IARS1: variants seen among roughly 807,000 people sequenced by gnomAD.
The protein encoded by IARS1 is isoleucyl-tRNA synthetase 1.
IARS1 carries 124 observed loss-of-function variants against 168.2 expected under a neutral mutation model. That is an observed-to-expected ratio of 0.74 (90% CI 0.64 to 0.86). IARS1 has a LOEUF of 0.86. Among genes scored for constraint, IARS1 ranks in the 40% least tolerant of loss-of-function variants. The pLI, the probability that IARS1 is intolerant of heterozygous loss-of-function variation, is 0.00. For synonymous variants in IARS1, 532 were observed against 529.4 expected, an observed-to-expected ratio of 1.00 and a Z score of -0.07; for missense variants, 1,452 against 1,515.8, an observed-to-expected ratio of 0.96 and a Z score of 0.70.
intron 19 of IARS1, among the ~76,000 whole-genome samples, chr9:92,257,758 C>G (rs1386117657): frequency 6.6e-6 from 1 of 152,192 alleles, no homozygotes; most frequent in Non-Finnish European, 1.5e-5. Flanking sequence ...TTCATCTGCT[C>G]AAGCAGGAAT....
At chr9:92,250,865 T>C in intron 22 of IARS1, 31 bp from the exon 23 acceptor site, 3 of 1,573,358 alleles carry the variant, frequency 1.9e-6, no homozygotes, top group Non-Finnish European at 2.6e-6. Flanking sequence ...TCATGTCAGT[T>C]ATATGCAGTC....
chr9:92,253,375 C>T lies in IARS1; in HGVS notation c.2216G>A (p.Arg739His), dbSNP rs1483289595. The T allele has an allele frequency of 1.6e-5, 25 of 1,610,378 alleles. No individual in the cohort carries two copies. The highest frequency in any genetic ancestry group is 3.3e-5 in the South Asian group (3 of 90,988). The change falls in exon 21 of 34, where the codon CGC becomes CAC. Residue 739 changes from arginine (R) to histidine (H), a missense_variant. Physicochemically the swap from Arg to His is conservative, Grantham distance 29 (BLOSUM62 0). Coordinates refer to ENST00000443024, the MANE Select transcript of IARS1 (RefSeq NM_002161.6). ...GTCTGCACTTACCTTTAATCTTCTGCGGTTCATTCTAACATACCAATTGGT... is the reference window on the plus strand; with the variant it reads ...GTCTGCACTTACCTTTAATCTTCTGTGGTTCATTCTAACATACCAATTGGT... ...ILTNWYVRMNRRRLKGENGME... is the reference protein window; with the variant it reads ...ILTNWYVRMNHRRLKGENGME...
intron 1 of IARS1, among the ~76,000 whole-genome samples, chr9:92,291,903 CAA>C (rs1453425373): frequency 1.3e-4 from 20 of 152,104 alleles, no homozygotes; most frequent in Non-Finnish European, 1.5e-5. Flanking sequence ...GCATTCACAT[CAA>C]AGTCTGAACA....
Position 92,245,027 on chromosome 9 carries a change from G to A in IARS1, c.2836C>T (p.Arg946Cys), listed in dbSNP as rs751538626. The A allele has an allele frequency of 2.4e-5, 38 of 1,614,022 alleles. No homozygotes were observed. The highest frequency in any genetic ancestry group is 2.3e-4 in the Admixed American group (14 of 59,998). ...GCCTGATCAAAGGTGTACATGAGGCGGATGTCTTCATCGTGCAATTCATGG... is the reference window on the plus strand; with the variant it reads ...GCCTGATCAAAGGTGTACATGAGGCAGATGTCTTCATCGTGCAATTCATGG... Reference protein sequence around the residue: ...EGHELHDEDIRLMYTFDQATG... With the variant: ...EGHELHDEDICLMYTFDQATG... The change falls in exon 27 of 34, where the codon CGC (arginine) becomes TGC (cysteine). Residue 946 changes from arginine to cysteine, a missense_variant. Physicochemically the swap from Arg to Cys is radical, Grantham distance 180 (BLOSUM62 -3). Transcript: ENST00000443024.
intron 31 of IARS1, among the ~76,000 whole-genome samples, chr9:92,224,835 A>AAAAT (rs997140533): frequency 2.0e-5 from 3 of 148,132 alleles, no homozygotes; most frequent in African/African-American, 7.3e-5. Flanking sequence ...CCTGTCTCAA[A>AAAAT]AAATAAAAAA....
chr9:92,242,371 C>G, intron 28 of IARS1, 41 bp from the exon 29 acceptor site: 1 of 1,517,274 alleles, frequency 6.6e-7, no homozygotes, highest in Admixed American at 1.8e-5. Context: ...GAAGTACATT[C>G]TATTAATCAG....
At chr9:92,236,312 T>C (rs1270140385) in intron 30 of IARS1, among the ~76,000 whole-genome samples, 1 of 152,220 alleles carries the variant, frequency 6.6e-6, no homozygotes, top group Non-Finnish European at 1.5e-5. Context: ...TGTCTTTATC[T>C]GGTTTTGGTA....
intron 17 of IARS1, among the ~76,000 whole-genome samples, chr9:92,260,467 C>T (rs1831363655): frequency 6.6e-6 from 1 of 151,882 alleles, no homozygotes; most frequent in African/African-American, 2.4e-5. Context: ...ACCAGCCTGG[C>T]CAAAATGGTG....
Position 92,263,071 on chromosome 9 carries a change from A to C in IARS1, c.1701-16T>G. ...GGTATAAAACCTGAAAAAAAACCCC[A>C]AACAGTTCAATAAAAATAGAAATGA... On this transcript the variant is annotated splice_polypyrimidine_tract_variant and intron_variant, in intron 16 of 33. Transcript: ENST00000443024. The C allele has an allele frequency of 6.4e-7, 1 of 1,563,926 alleles. No homozygotes were observed. Among genetic ancestry groups the C allele is most frequent in the Non-Finnish European group, 8.8e-7 (1 of 1,135,426 alleles).
At chr9:92,270,008 A>G in intron 12 of IARS1, 25 bp from the exon 13 acceptor site, 3 of 1,480,180 alleles carry the variant, frequency 2.0e-6, no homozygotes, top group Non-Finnish European at 2.8e-6. Context: ...ACACACACAT[A>G]GCTGCTCAGG....
In IARS1 at chr9:92,265,070, A is replaced by T. The variant is rs371764572; in HGVS notation, c.1559T>A (p.Ile520Asn). Residue 520 changes from isoleucine (I) to asparagine (N), a missense_variant, in exon 16 of 34, where the codon ATC (isoleucine) becomes AAC (asparagine). Transcript: ENST00000443024. ...AAACCAACAGTCAAACACTTCAGAGATGCGGTGCAAGGATCCCTTCCCACA... is the reference window on the plus strand; with the variant it reads ...AAACCAACAGTCAAACACTTCAGAGTTGCGGTGCAAGGATCCCTTCCCACA... The part of the protein sequence containing the change: ...SRCGKGSLHR[I>N]SEVFDCWFES... 5 of 1,614,070 alleles carry T rather than the reference A, an allele frequency of 3.1e-6. No homozygotes were observed. The highest frequency in any genetic ancestry group is 4.2e-6 in the Non-Finnish European group (5 of 1,180,034).
chr9:92,253,609 CTGTT>C lies in IARS1; in HGVS notation c.2138-160_2138-157del, dbSNP rs376750467. Among the ~76,000 whole-genome samples the C allele has an allele frequency of 3.5e-4, 54 of 152,312 alleles. No individual in the cohort carries two copies. In the East Asian group the frequency reaches 9.3e-3, roughly 26 times the overall value. ...CCAAAATGAATCAATCACATAATGA[CTGTT>C]TGTTGAGGATGTGCTACATGGCAGT... On this transcript the variant is annotated intron_variant, in intron 20 of 33. Coordinates refer to ENST00000443024, the MANE Select transcript of IARS1 (RefSeq NM_002161.6).
At chr9:92,223,964 A>G (rs1333656150) in intron 31 of IARS1, among the ~76,000 whole-genome samples, 1 of 152,238 alleles carries the variant, frequency 6.6e-6, no homozygotes, top group African/African-American at 2.4e-5. Context: ...GCGCAGGCAG[A>G]TGACTGGTAA....
intron 19 of IARS1, 79 bp from the exon 20 acceptor site, chr9:92,256,879 TAAACAA>T (rs1587816024): frequency 2.0e-5 from 28 of 1,365,938 alleles, no homozygotes; most frequent in East Asian, 4.7e-5. Flanking sequence ...TTAAATCACT[TAAACAA>T]AAACAAAAAG....
intron 9 of IARS1, among the ~76,000 whole-genome samples, chr9:92,277,404 C>T (rs1304348425): frequency 6.6e-6 from 1 of 152,002 alleles, no homozygotes; most frequent in Non-Finnish European, 1.5e-5. Flanking sequence ...TATTTGCACT[C>T]CATCTCAAAA....
intron 33 of IARS1, among the ~76,000 whole-genome samples, chr9:92,217,625 A>G (rs1026581738): frequency 6.6e-6 from 1 of 151,690 alleles, no homozygotes. Flanking sequence ...ACAAACTACC[A>G]TCAGAGAATA....
intron 29 of IARS1, 122 bp from the exon 30 acceptor site, chr9:92,241,083 A>AATCTC (rs1197317752): frequency 3.5e-6 from 2 of 578,472 alleles, no homozygotes; most frequent in African/African-American, 3.7e-5. Context: ...TAACATATTC[A>AATCTC]ATCTCATTAC....
chr9:92,227,334 C>T (rs1464512230), intron 31 of IARS1, among the ~76,000 whole-genome samples: 5 of 151,682 alleles, frequency 3.3e-5, no homozygotes, highest in African/African-American at 7.3e-5. Flanking sequence ...ACCTCCCAGA[C>T]GGGGTGGTGG....
intron 7 of IARS1, among the ~76,000 whole-genome samples, chr9:92,279,236 C>T (rs999616642): frequency 1.3e-5 from 2 of 152,178 alleles, no homozygotes; most frequent in African/African-American, 4.8e-5. Flanking sequence ...GCTCTGACCT[C>T]ACAGGAACTT....
Sources: allele counts gnomAD v4.1 joint callset (sites outside exome capture counted in the v4.1 genomes callset), GRCh38; gene constraint gnomAD v4.1.1; transcripts MANE v1.5; gene names NCBI Gene and HGNC (gene_info 2026-07-23, HGNC 2026-07-21).